LANCL3: variants seen among roughly 807,000 people sequenced by gnomAD.
LANCL3 encodes lanC-like protein 3.
A neutral mutation model predicts 26.5 loss-of-function variants in LANCL3; 19 were observed. The observed-to-expected ratio is 0.72, with a 90% CI of 0.50 to 1.05. LANCL3 has a LOEUF of 1.05. Ranked by LOEUF, LANCL3 falls within the 50% of genes least tolerant of loss-of-function variation. The probability of loss-of-function intolerance (pLI) is 0.00; values close to 1 mark genes in which losing one functional copy is unlikely to be tolerated. For missense variants in LANCL3, 318 were observed against 362.7 expected (o/e 0.88, Z 1.00); for synonymous variants, 160 against 166.6 (o/e 0.96, Z 0.30).
intron 1 of LANCL3, among the ~76,000 whole-genome samples, chrX:37,623,123 C>T (rs1363059874): frequency 8.9e-6 from 1 of 111,831 alleles, no homozygotes; most frequent in Non-Finnish European, 1.9e-5. Context: ...TACAACTATC[C>T]TGCATTCACC....
At chrX:37,674,069 G>GT in intron 4 of LANCL3, among the ~76,000 whole-genome samples, 1 of 111,644 alleles carries the variant, frequency 9.0e-6, no homozygotes, top group Middle Eastern at 4.6e-3. Context: ...TTTGCCAAAG[G>GT]TCATACAACA....
At chrX:37,641,607 C>A (rs1234373858) in intron 1 of LANCL3, among the ~76,000 whole-genome samples, 1 of 111,414 alleles carries the variant, frequency 9.0e-6, no homozygotes. Flanking sequence ...TTTAAAGTAT[C>A]TCTGCCTTCC....
chrX:37,647,132 G>T (rs1300254289), intron 1 of LANCL3, among the ~76,000 whole-genome samples: 1 of 110,822 alleles, frequency 9.0e-6, no homozygotes, highest in Admixed American at 9.6e-5. Context: ...GGCTAAGAGG[G>T]TGCAACCCCG....
intron 1 of LANCL3, among the ~76,000 whole-genome samples, chrX:37,601,197 T>C (rs981720192): frequency 1.9e-4 from 21 of 111,980 alleles, no homozygotes; most frequent in African/African-American, 6.8e-4. Context: ...CTCTGTGATA[T>C]GCCACTTAAT....
rs1249039969 is a variant in LANCL3, at chrX:37,572,011, C to T, written c.141C>T (p.Gly47=). Residue 47 remains glycine (G), a synonymous_variant, in exon 1 of 5, where the codon GGC becomes GGT. Transcript: ENST00000378619. ...TCCAGGAGCTTCCCCCACTCGGGGG[C>T]GGCGCGGAGGCCCGAGGGGCGACGG... ...RILQELPPLG[G]GAEARGATAG... is the part of the protein sequence containing the mutation. 2.5e-6 allele frequency: 3 copies of T among 1,184,638 alleles called. No individual in the cohort carries two copies. The highest frequency in any genetic ancestry group is 3.1e-5 in the East Asian group (1 of 32,703).
At chrX:37,581,834 A>T (rs1396882088) in intron 1 of LANCL3, among the ~76,000 whole-genome samples, 3 of 111,326 alleles carry the variant, frequency 2.7e-5, no homozygotes, top group African/African-American at 9.8e-5. Flanking sequence ...CACACTGTGC[A>T]GGTTTGTTAC....
intron 1 of LANCL3, among the ~76,000 whole-genome samples, chrX:37,600,349 T>C (rs1249873200): frequency 1.8e-5 from 2 of 112,418 alleles, no homozygotes; most frequent in African/African-American, 6.5e-5. Context: ...TCGGTAGTAC[T>C]TGAGGTTTCA....
At chrX:37,581,819 A>G (rs1556417077) in intron 1 of LANCL3, among the ~76,000 whole-genome samples, 1 of 111,611 alleles carries the variant, frequency 9.0e-6, no homozygotes, top group Non-Finnish European at 1.9e-5. Flanking sequence ...TCTAGGGTAC[A>G]TGTGCACACT....
intron 1 of LANCL3, among the ~76,000 whole-genome samples, chrX:37,596,142 G>A (rs781794043): frequency 1.8e-5 from 2 of 111,906 alleles, no homozygotes; most frequent in East Asian, 5.6e-4. Flanking sequence ...ATGGGTCCTC[G>A]TAATTTTTCT....
chrX:37,601,540 A>C (rs1040326177), intron 1 of LANCL3, among the ~76,000 whole-genome samples: 5 of 112,372 alleles, frequency 4.4e-5, no homozygotes, highest in African/African-American at 1.3e-4. Context: ...AATGATAGAA[A>C]ATATGACTTA....
chrX:37,600,829 C>T (rs373464668), intron 1 of LANCL3, among the ~76,000 whole-genome samples: 1 of 111,395 alleles, frequency 9.0e-6, no homozygotes, highest in Non-Finnish European at 1.9e-5. Flanking sequence ...GGATGCGAAA[C>T]ACTTTTGAAC....
Position 37,677,138 on chromosome X carries a change from A to ATGTGTGTGTGTGTGTGTGTGTGTGTG in LANCL3, c.*1329_*1354dup, listed in dbSNP as rs200149842. On this transcript the variant is annotated 3_prime_UTR_variant, in exon 5 of 5. Coordinates refer to ENST00000378619, the MANE Select transcript of LANCL3 (RefSeq NM_001170331.2). ...TAGTCATTAAATATTTGGATATATT[A>ATGTGTGTGTGTGTGTGTGTGTGTGTG]TGTGTGTGTGTGTGTGTGTGTGTGT... 1 of 99,465 alleles carries ATGTGTGTGTGTGTGTGTGTGTGTGTG rather than the reference A, an allele frequency of 1.0e-5. No individual in the cohort carries two copies. The highest frequency in any genetic ancestry group is 3.9e-5 in the African/African-American group (1 of 25,931). 8.2% of individuals were successfully genotyped at this position (99,465 alleles called of 1,213,427 possible). A position where few individuals can be genotyped will look rare whatever the true frequency, so the allele number is the denominator to read the frequency against.
intron 1 of LANCL3, among the ~76,000 whole-genome samples, chrX:37,573,762 T>C (rs1291146779): frequency 9.0e-6 from 1 of 110,933 alleles, no homozygotes; most frequent in Non-Finnish European, 1.9e-5. Flanking sequence ...AATTTTTTTT[T>C]CCAATTGTTT....
intron 1 of LANCL3, among the ~76,000 whole-genome samples, chrX:37,652,009 G>T (rs909387993): frequency 1.0e-4 from 11 of 106,375 alleles, no homozygotes; most frequent in African/African-American, 3.9e-4. Context: ...AGCAGCAGCT[G>T]GGATTGCTGA....
chrX:37,595,880 G>T lies in LANCL3; in HGVS notation c.573+23437G>T, dbSNP rs577453614. On this transcript the variant is annotated intron_variant, in intron 1 of 4. Coordinates refer to ENST00000378619, the MANE Select transcript of LANCL3 (RefSeq NM_001170331.2). ...CTCTTTTTGTCTGTTTCTTTTGAAG[G>T]GCTTGCACTTTTCCTGTAAAGAAGA... Among the ~76,000 whole-genome samples the T allele has an allele frequency of 1.8e-4, 20 of 111,490 alleles. No homozygotes were observed. In the South Asian group the frequency reaches 7.5e-3, roughly 42 times the overall value.
chrX:37,641,773 A>C (rs1925869902), intron 1 of LANCL3, among the ~76,000 whole-genome samples: 1 of 111,809 alleles, frequency 8.9e-6, no homozygotes, highest in African/African-American at 3.3e-5. Context: ...ATATTGTTCA[A>C]CCAGGACCAT....
chrX:37,584,626 C>CTGATGGTAGTTTGTATT (rs1924007857), intron 1 of LANCL3, among the ~76,000 whole-genome samples: 1 of 111,700 alleles, frequency 9.0e-6, no homozygotes, highest in Non-Finnish European at 1.9e-5. Context: ...ATAGTATTCT[C>CTGATGGTAGTTTGTATT]TGATGGTAGT....
At chrX:37,631,547 G>C (rs1198312904) in intron 1 of LANCL3, among the ~76,000 whole-genome samples, 1 of 111,177 alleles carries the variant, frequency 9.0e-6, no homozygotes, top group African/African-American at 3.3e-5. Flanking sequence ...TGATGTTAGG[G>C]TGTCAATTTT....
intron 1 of LANCL3, among the ~76,000 whole-genome samples, chrX:37,637,251 A>G (rs1185102419): frequency 1.8e-5 from 2 of 112,067 alleles, no homozygotes; most frequent in Non-Finnish European, 3.8e-5. Context: ...GACAATATGG[A>G]TTCCTATAGT....
Sources: allele counts gnomAD v4.1 joint callset (sites outside exome capture counted in the v4.1 genomes callset), GRCh38; gene constraint gnomAD v4.1.1; transcripts MANE v1.5; gene names NCBI Gene and HGNC (gene_info 2026-07-23, HGNC 2026-07-21).